SYDE1: variants seen among roughly 807,000 people sequenced by gnomAD.
SYDE1 encodes the protein synapse defective Rho GTPase activating protein 1, also known as rho GTPase-activating protein SYDE1.
A neutral mutation model predicts 63.3 loss-of-function variants in SYDE1; 34 were observed. The observed-to-expected ratio is 0.54, with a 90% CI of 0.41 to 0.71. SYDE1 has a LOEUF of 0.71. SYDE1 is among the 30% of genes least tolerant of loss of function. SYDE1 has a pLI of 0.00. For missense variants in SYDE1, 925 were observed against 1,042.5 expected, an observed-to-expected ratio of 0.89 and a Z score of 1.55; for synonymous variants, 467 against 473.4, an observed-to-expected ratio of 0.99 and a Z score of 0.18.
In SYDE1 at chr19:15,110,072, C is replaced by T. The variant is rs1380023481; in HGVS notation, c.799C>T (p.Arg267Cys). The T allele has an allele frequency of 6.7e-7, 1 of 1,489,204 alleles. No individual in the cohort carries two copies. The highest frequency in any genetic ancestry group is 1.3e-5 in the South Asian group (1 of 78,562). The allele number at this position is 1,489,204 out of a possible 1,614,324, so 92.2% of individuals were successfully genotyped here. The change falls in exon 3 of 8, where the codon CGC becomes TGC. Residue 267 changes from arginine to cysteine, a missense_variant. Arg to Cys is a radical substitution (Grantham distance 180). Transcript: ENST00000342784. This position sits in a 1 kb window ranked among gnomAD's most constrained non-coding sequence, Gnocchi z 6.9. ...GGCACCCCCGGCCGCACTCTGGGGC[C>T]GCCTCAGCCTGCACCTGTACGGTCT... is the stretch of plus-strand genomic sequence containing the variant. ...ARAPPAALWG[R>C]LSLHLYGLGG...
chr19:15,112,567 G>C lies in SYDE1; in HGVS notation c.1800G>C (p.Trp600Cys). 1.9e-6 allele frequency: 3 copies of C among 1,572,456 alleles called. No individual in the cohort carries two copies. The highest frequency in any genetic ancestry group is 2.6e-6 in the Non-Finnish European group (3 of 1,157,294). Residue 600 changes from tryptophan to cysteine, a missense_variant, in exon 7 of 8, where the codon TGG (tryptophan) becomes TGC (cysteine). Coordinates refer to ENST00000342784, the MANE Select transcript of SYDE1 (RefSeq NM_033025.6). ...TGCTGCACTACCTGCTGCAGTCTTGGCCAGGTGAGTTCATGCCCAGGGCCT... is the reference window on the plus strand; with the variant it reads ...TGCTGCACTACCTGCTGCAGTCTTGCCCAGGTGAGTTCATGCCCAGGGCCT... ...IEVLHYLLQSWPDPRLPRQSP... is the reference protein window; with the variant it reads ...IEVLHYLLQSCPDPRLPRQSP...
chr19:15,113,457 T>C, intron 7 of SYDE1, 103 bp from the exon 8 acceptor site: 1 of 1,389,066 alleles, frequency 7.2e-7, no homozygotes. Flanking sequence ...CCTGAAAGGG[T>C]CGAAGGCCGC....
chr19:15,110,770 C>T lies in SYDE1; in HGVS notation c.1290+35C>T, dbSNP rs113063690. 1.4e-6 allele frequency: 2 copies of T among 1,478,654 alleles called. No homozygotes were observed. The highest frequency in any genetic ancestry group is 1.3e-5 in the South Asian group (1 of 78,040). 91.6% of individuals were successfully genotyped at this position (1,478,654 alleles called of 1,614,324 possible). A position where few individuals can be genotyped will look rare whatever the true frequency, so the allele number is the denominator to read the frequency against. ...CACCCCACCCCAACCCTCTGGCCCC[C>T]AGACCTCAGACCACTCTTCAGGACA... On this transcript the variant is annotated intron_variant, in intron 4 of 7. Transcript: ENST00000342784. The surrounding 1 kb of genome is among the most constrained non-coding windows in gnomAD (Gnocchi z 6.9).
rs77889426 is a variant in SYDE1, at chr19:15,108,711, G to T, written c.89-345G>T. 4 of 235,946 alleles carry T rather than the reference G, an allele frequency of 1.7e-5. No homozygotes were observed. Among genetic ancestry groups the T allele is most frequent in the Non-Finnish European group, 3.3e-5 (4 of 122,996 alleles). The allele number at this position is 235,946 out of a possible 1,614,324, so 14.6% of individuals were successfully genotyped here. A position where few individuals can be genotyped will look rare whatever the true frequency, so the allele number is the denominator to read the frequency against. On this transcript the variant is annotated intron_variant, in intron 1 of 7. Coordinates refer to ENST00000342784, the MANE Select transcript of SYDE1 (RefSeq NM_033025.6). This position sits in a 1 kb window ranked among gnomAD's most constrained non-coding sequence, Gnocchi z 4.3. Reference sequence around the variant, plus strand: ...AGGGAAGCGACTTGCCCAAGGCCACGCAGGTGCAAAGCTCCATGCCACGGT... The same window carrying T: ...AGGGAAGCGACTTGCCCAAGGCCACTCAGGTGCAAAGCTCCATGCCACGGT...
chr19:15,107,762 G>T (rs555466409), intron 1 of SYDE1, among the ~76,000 whole-genome samples: 12 of 152,002 alleles, frequency 7.9e-5, no homozygotes, highest in African/African-American at 2.4e-4. Flanking sequence ...GGCTCCTTGG[G>T]AGGCCCGGGA....
At position 15,113,679 on chromosome 19, in the gene SYDE1, G is replaced by C; in HGVS notation, c.1924G>C (p.Gly642Arg). Residue 642 changes from glycine (G) to arginine (R), a missense_variant, in exon 8 of 8, where the codon GGC becomes CGC. Transcript: ENST00000342784. ...GGTGACTCGGCCCCGCGGTCGAGGA[G>C]GCCCCGAAAGCCCCCCGAGCAACCG... ...EVVTRPRGRG[G>R]PESPPSNRYA... 6.2e-7 allele frequency: 1 copy of C among 1,613,312 alleles called. No homozygotes were observed. Among genetic ancestry groups the C allele is most frequent in the Non-Finnish European group, 8.5e-7 (1 of 1,179,844 alleles).
intron 7 of SYDE1, among the ~76,000 whole-genome samples, chr19:15,112,983 C>A (rs550212901): frequency 6.6e-6 from 1 of 152,266 alleles, no homozygotes; most frequent in Admixed American, 6.5e-5. Context: ...CAGCTCACTG[C>A]AACCTCTGCC....
Position 15,112,326 on chromosome 19 carries a change from T to C in SYDE1, c.1579-20T>C. The stretch of plus-strand genomic sequence containing the variant: ...GGGGCCTGACTTTGTCTGACTTACA[T>C]CCTCTCAACCCTCTCCCAGGCCACG... On this transcript the variant is annotated intron_variant, in intron 6 of 7. Coordinates refer to ENST00000342784, the MANE Select transcript of SYDE1 (RefSeq NM_033025.6). 6.5e-7 allele frequency: 1 copy of C among 1,535,132 alleles called. No homozygotes were observed. The highest frequency in any genetic ancestry group is 8.8e-7 in the Non-Finnish European group (1 of 1,133,212).
At position 15,111,241 on chromosome 19, in the gene SYDE1, G is replaced by T; in HGVS notation, c.1291-72G>T. On this transcript the variant is annotated intron_variant, in intron 4 of 7. Transcript: ENST00000342784. This position sits in a 1 kb window ranked among gnomAD's most constrained non-coding sequence, Gnocchi z 5.5. ...TTGCTGCCTGGCCCAGAATTCCAGT[G>T]CTCACCCCACTGGGCCCTGATTAGT... 1 of 1,563,154 alleles carries T rather than the reference G, an allele frequency of 6.4e-7. No homozygotes were observed. Among genetic ancestry groups the T allele is most frequent in the Non-Finnish European group, 8.8e-7 (1 of 1,141,286 alleles).
In SYDE1 at chr19:15,113,624, T is replaced by G. The variant is rs2046360895; in HGVS notation, c.1869T>G (p.Pro623=). ...APYLRPKRQP[P]LHLPLADPEV... ...ACTTGCGACCCAAACGACAGCCACC[T>G]CTGCACCTGCCGCTGGCAGACCCCG... is the stretch of plus-strand genomic sequence containing the variant. Residue 623 remains proline (P), a synonymous_variant, in exon 8 of 8, where the codon CCT becomes CCG. Transcript: ENST00000342784. The G allele has an allele frequency of 6.2e-7, 1 of 1,610,428 alleles. No homozygotes were observed. The highest frequency in any genetic ancestry group is 8.5e-7 in the Non-Finnish European group (1 of 1,178,340).
rs940279215 is a variant in SYDE1 at position 15,110,254 on chromosome 19, G to C, written c.981G>C (p.Arg327Ser). The C allele has an allele frequency of 3.5e-6, 5 of 1,412,982 alleles. No homozygotes were observed. Among genetic ancestry groups the C allele is most frequent in the Middle Eastern group, 1.8e-4 (1 of 5,408 alleles). 87.5% of individuals were successfully genotyped at this position (1,412,982 alleles called of 1,614,324 possible). Reference sequence around the variant, plus strand: ...TCCACCTGGAGCTGGAGGCCGCCAGGCTCCTGCGCGCCCTGGTGCTTGCGT... The same window carrying C: ...TCCACCTGGAGCTGGAGGCCGCCAGCCTCCTGCGCGCCCTGGTGCTTGCGT... ...HTFHLELEAARLLRALVLAWD... is the reference protein window; with the variant it reads ...HTFHLELEAASLLRALVLAWD... Residue 327 changes from arginine to serine, a missense_variant, in exon 3 of 8, where the codon AGG becomes AGC. Physicochemically the swap from Arg to Ser is moderately radical, Grantham distance 110. Transcript: ENST00000342784. This position sits in a 1 kb window ranked among gnomAD's most constrained non-coding sequence, Gnocchi z 6.9.
In SYDE1 at chr19:15,114,800, C is replaced by T. The variant is rs977067150; in HGVS notation, c.*837C>T. The T allele has an allele frequency of 7.4e-6, 2 of 268,752 alleles. No homozygotes were observed. Among genetic ancestry groups the T allele is most frequent in the African/African-American group, 4.4e-5 (2 of 45,114 alleles). 16.6% of individuals were successfully genotyped at this position (268,752 alleles called of 1,614,324 possible). ...ACACGTCTGAAGCAGGCGTGTGGGG[C>T]TCTTTCAGGGACCACAGAGGAGGGA... On this transcript the variant is annotated 3_prime_UTR_variant, in exon 8 of 8. Coordinates refer to ENST00000342784, the MANE Select transcript of SYDE1 (RefSeq NM_033025.6).
In SYDE1 at chr19:15,113,685, G is replaced by A. The variant is rs2046361715; in HGVS notation, c.1930G>A (p.Glu644Lys). ...VTRPRGRGGP[E>K]SPPSNRYAGD... The stretch of plus-strand genomic sequence containing the variant: ...TCGGCCCCGCGGTCGAGGAGGCCCC[G>A]AAAGCCCCCCGAGCAACCGCTACGC... Residue 644 changes from glutamate (E) to lysine (K), a missense_variant, in exon 8 of 8, where the codon GAA becomes AAA. Around this residue, in one of 3 missense-constraint regions of SYDE1, gnomAD observed 255 missense variants for 255.9 expected, o/e 1.00. Coordinates refer to ENST00000342784, the MANE Select transcript of SYDE1 (RefSeq NM_033025.6). 2 of 1,613,320 alleles carry A rather than the reference G, an allele frequency of 1.2e-6. No individual in the cohort carries two copies. The highest frequency in any genetic ancestry group is 1.3e-5 in the African/African-American group (1 of 75,072).
chr19:15,110,115 C>T lies in SYDE1; in HGVS notation c.842C>T (p.Ala281Val). The change falls in exon 3 of 8, where the codon GCG becomes GTG. Residue 281 changes from alanine to valine, a missense_variant. By Grantham distance (64) the Ala-to-Val change is moderately conservative (BLOSUM62 0). Around this residue, in one of 3 missense-constraint regions of SYDE1, gnomAD observed 599 missense variants for 653.7 expected, o/e 0.92. Coordinates refer to ENST00000342784, the MANE Select transcript of SYDE1 (RefSeq NM_033025.6). This position sits in a 1 kb window ranked among gnomAD's most constrained non-coding sequence, Gnocchi z 6.9. ...TACGGTCTCGGGGGGCTGCGGCCAG[C>T]GCCGGGGGCCACCCCCAGGGACCTC... ...HLYGLGGLRP[A>V]PGATPRDLCC... is the part of the protein sequence containing the mutation. The T allele has an allele frequency of 7.1e-7, 1 of 1,408,772 alleles. No homozygotes were observed. Among genetic ancestry groups the T allele is most frequent in the Non-Finnish European group, 9.2e-7 (1 of 1,088,442 alleles). 87.3% of individuals were successfully genotyped at this position (1,408,772 alleles called of 1,614,324 possible). A position where few individuals can be genotyped will look rare whatever the true frequency, so the allele number is the denominator to read the frequency against.
chr19:15,109,915 G>T lies in SYDE1; in HGVS notation c.642G>T (p.Gly214=), dbSNP rs1429972753. Residue 214 remains glycine (G), a synonymous_variant, in exon 3 of 8, where the codon GGG becomes GGT. Transcript: ENST00000342784. This position sits in a 1 kb window ranked among gnomAD's most constrained non-coding sequence, Gnocchi z 5.0. ...TGGACAGCAGCGTGGGGGGCCCCGG[G>T]CCGGCAGCAGGGCCTGGGGGCACCC... The part of the protein sequence containing the change: ...YHLDSSVGGP[G]PAAGPGGTRS... 9 of 1,462,418 alleles carry T rather than the reference G, an allele frequency of 6.2e-6. No homozygotes were observed. Among genetic ancestry groups the T allele is most frequent in the East Asian group, 2.7e-5 (1 of 37,584 alleles). 90.6% of individuals were successfully genotyped at this position (1,462,418 alleles called of 1,614,324 possible). A position where few individuals can be genotyped will look rare whatever the true frequency, so the allele number is the denominator to read the frequency against.
rs1599324630 is a variant in SYDE1 at position 15,111,778 on chromosome 19, C to T, written c.1564C>T (p.Pro522Ser). 3 of 1,585,832 alleles carry T rather than the reference C, an allele frequency of 1.9e-6. No individual in the cohort carries two copies. Among genetic ancestry groups the T allele is most frequent in the African/African-American group, 2.7e-5 (2 of 74,128 alleles). ...CACCCGAGGGCTCCTCAGCTGCCTG[C>T]CAGATGTGGAAAGGGTGAGTTGGGC... ...EGTRGLLSCL[P>S]DVERATLTLL... is the part of the protein sequence containing the mutation. The change falls in exon 6 of 8, where the codon CCA becomes TCA. Residue 522 changes from proline to serine, a missense_variant. Physicochemically the swap from Pro to Ser is moderately conservative, Grantham distance 74. Transcript: ENST00000342784. The surrounding 1 kb of genome is among the most constrained non-coding windows in gnomAD (Gnocchi z 5.5).
At chr19:15,113,375 G>A (rs1255347272) in intron 7 of SYDE1, among the ~76,000 whole-genome samples, 185 bp from the exon 8 acceptor site, 2 of 152,206 alleles carry the variant, frequency 1.3e-5, no homozygotes, top group Admixed American at 6.5e-5. Flanking sequence ...TGCAGTCAGA[G>A]GCCCTGCCTC....
chr19:15,113,434 C>G, intron 7 of SYDE1, 126 bp from the exon 8 acceptor site: 1 of 1,134,092 alleles, frequency 8.8e-7, no homozygotes, highest in Admixed American at 2.4e-5. Context: ...AGTCCTAGCT[C>G]TGCCAGTGAA....
chr19:15,110,054 C>G lies in SYDE1; in HGVS notation c.781C>G (p.Pro261Ala). ...YEVGPAARAP[P>A]AALWGRLSLH... Reference sequence around the variant, plus strand: ...GGTGGGTCCCGCAGCCCGGGCACCCCCGGCCGCACTCTGGGGCCGCCTCAG... The same window carrying G: ...GGTGGGTCCCGCAGCCCGGGCACCCGCGGCCGCACTCTGGGGCCGCCTCAG... Residue 261 changes from proline to alanine, a missense_variant, in exon 3 of 8, where the codon CCG (proline) becomes GCG (alanine). Transcript: ENST00000342784. This position sits in a 1 kb window ranked among gnomAD's most constrained non-coding sequence, Gnocchi z 6.9. 2 of 1,499,130 alleles carry G rather than the reference C, an allele frequency of 1.3e-6. No individual in the cohort carries two copies. Among genetic ancestry groups the G allele is most frequent in the Non-Finnish European group, 1.8e-6 (2 of 1,132,068 alleles). 92.9% of individuals were successfully genotyped at this position (1,499,130 alleles called of 1,614,324 possible).
Sources: allele counts gnomAD v4.1 joint callset (sites outside exome capture counted in the v4.1 genomes callset), GRCh38; gene constraint gnomAD v4.1.1; regional missense constraint gnomAD v4.1.1; non-coding constraint Gnocchi (gnomAD v3.1); transcripts MANE v1.5; gene names NCBI Gene and HGNC (gene_info 2026-07-23, HGNC 2026-07-21).